Variants in SH3BP4 observed in about 807,000 individuals in gnomAD.
SH3BP4 encodes the protein SH3 domain binding protein 4.
In SH3BP4, 33 loss-of-function variants were observed where a neutral mutation model predicts 65.5. The ratio of observed to expected loss-of-function variants is 0.50; its 90% CI spans 0.38 to 0.67. The LOEUF (loss-of-function observed/expected upper bound fraction) is 0.67, where lower values mean the gene tolerates loss of function less well. Among genes scored for constraint, SH3BP4 ranks in the 30% least tolerant of loss-of-function variants. SH3BP4 has a pLI of 0.00. For synonymous variants in SH3BP4, 552 were observed against 545.5 expected (o/e 1.01, Z -0.17); for missense variants, 1,134 against 1,261.4 (o/e 0.90, Z 1.53).
chr2:235,051,610 C>T (rs10203697), intron 4 of SH3BP4, among the ~76,000 whole-genome samples: 23,483 of 151,966 alleles, frequency 0.15, 1,966 homozygotes, highest in African/African-American at 0.23. Flanking sequence ...TTGTGGAAAC[C>T]GTTTTCTCAT....
At chr2:235,017,730 C>T (rs1694733196) in intron 2 of SH3BP4, among the ~76,000 whole-genome samples, 1 of 152,190 alleles carries the variant, frequency 6.6e-6, no homozygotes, top group African/African-American at 2.4e-5. Flanking sequence ...GCCCCCTCCC[C>T]TGCTTTTTCA....
intron 1 of SH3BP4, among the ~76,000 whole-genome samples, chr2:234,980,354 TG>T (rs1212845011): frequency 6.6e-6 from 1 of 152,222 alleles, no homozygotes; most frequent in East Asian, 1.9e-4. Context: ...AGCACTATAT[TG>T]TAATAAAAGT....
chr2:234,965,866 G>A (rs547035830), intron 1 of SH3BP4, among the ~76,000 whole-genome samples: 65 of 152,296 alleles, frequency 4.3e-4, no homozygotes, highest in Non-Finnish European at 8.7e-4. Context: ...GTGTGACTTC[G>A]AATGTCAGGT....
chr2:235,047,575 A>G (rs934948232), intron 4 of SH3BP4, among the ~76,000 whole-genome samples: 9 of 152,236 alleles, frequency 5.9e-5, no homozygotes, highest in Admixed American at 5.2e-4. Flanking sequence ...TTCTCGGGAT[A>G]CTGTCAGCAC....
Position 235,052,455 on chromosome 2 carries a change from A to C in SH3BP4, c.2479-107A>C. ...TGGTAGTAGGCCAGGGAACATGGAG[A>C]ATAGAGAGCCCATGGCCATTCCTGC... On this transcript the variant is annotated intron_variant, in intron 4 of 5. Transcript: ENST00000392011. The surrounding 1 kb of genome is among the most constrained non-coding windows in gnomAD (Gnocchi z 5.0). 1 of 803,806 alleles carries C rather than the reference A, an allele frequency of 1.2e-6. No homozygotes were observed. The allele number at this position is 803,806 out of a possible 1,614,324, so 49.8% of individuals were successfully genotyped here.
chr2:235,029,603 T>C (rs1377985827), intron 2 of SH3BP4, among the ~76,000 whole-genome samples: 1 of 152,238 alleles, frequency 6.6e-6, no homozygotes, highest in African/African-American at 2.4e-5. Context: ...TAATGTATGT[T>C]TCCTAATATT....
rs1451845686 is a variant in SH3BP4, at chr2:235,030,904, A to G, written c.-132-3967A>G. Among the ~76,000 whole-genome samples, 1 of 152,140 alleles carries G rather than the reference A, an allele frequency of 6.6e-6. No individual in the cohort carries two copies. The highest frequency in any genetic ancestry group is 1.5e-5 in the Non-Finnish European group (1 of 68,016). On this transcript the variant is annotated intron_variant, in intron 2 of 5. Coordinates refer to ENST00000392011, the MANE Select transcript of SH3BP4 (RefSeq NM_014521.3). The surrounding 1 kb of genome is among the most constrained non-coding windows in gnomAD (Gnocchi z 4.1). ...GCTGGCTGCCCTCTTTCTGTACTGT[A>G]AAAACGGCCCCAAGGGTGCGGACAG...
chr2:235,047,646 G>T (rs1028101596), intron 4 of SH3BP4, among the ~76,000 whole-genome samples: 1 of 152,234 alleles, frequency 6.6e-6, no homozygotes, highest in African/African-American at 2.4e-5. Flanking sequence ...ATAGCCGTGG[G>T]CAGTGGCCAT....
rs1462276166 is a variant in SH3BP4, at chr2:235,042,276, A to T, written c.1507A>T (p.Thr503Ser). ...TIFGHDCAPK[T>S]LLVSEVTRQA... ...TTTTGGGCATGACTGTGCCCCAAAG[A>T]CGCTCCTGGTCAGCGAGGTCACACG... Residue 503 changes from threonine (T) to serine (S), a missense_variant, in exon 4 of 6, where the codon ACG becomes TCG. Thr to Ser is a moderately conservative substitution (Grantham distance 58). Coordinates refer to ENST00000392011, the MANE Select transcript of SH3BP4 (RefSeq NM_014521.3). This position sits in a 1 kb window ranked among gnomAD's most constrained non-coding sequence, Gnocchi z 7.3. 1 of 1,614,084 alleles carries T rather than the reference A, an allele frequency of 6.2e-7. No homozygotes were observed. The highest frequency in any genetic ancestry group is 1.3e-5 in the African/African-American group (1 of 74,994).
chr2:234,961,359 C>T (rs1225340631), intron 1 of SH3BP4, among the ~76,000 whole-genome samples: 2 of 152,172 alleles, frequency 1.3e-5, no homozygotes, highest in Non-Finnish European at 2.9e-5. Flanking sequence ...GAAATCTCCA[C>T]CCACTGAGTT....
chr2:235,047,075 G>A (rs1049747763), intron 4 of SH3BP4, among the ~76,000 whole-genome samples: 5 of 152,162 alleles, frequency 3.3e-5, no homozygotes, highest in African/African-American at 1.2e-4. Context: ...CCTCATAAAG[G>A]GTTGCAGCCT....
intron 1 of SH3BP4, among the ~76,000 whole-genome samples, chr2:234,985,762 G>A (rs1366644301): frequency 2.7e-5 from 4 of 150,342 alleles, no homozygotes; most frequent in Admixed American, 6.6e-5. Context: ...TGTGACACAC[G>A]CCTACGAGCT....
chr2:234,981,573 C>T (rs2106257354), intron 1 of SH3BP4: 1 of 152,316 alleles, frequency 6.6e-6, no homozygotes, highest in African/African-American at 2.4e-5. Flanking sequence ...GGAATGCATT[C>T]CTGGAGAAAG....
intron 2 of SH3BP4, among the ~76,000 whole-genome samples, chr2:235,007,442 C>T (rs375139646): frequency 9.2e-5 from 14 of 152,216 alleles, no homozygotes; most frequent in South Asian, 4.2e-4. Flanking sequence ...ATTGTCACCA[C>T]GCAGGGAGGA....
chr2:235,021,119 GAA>G (rs1459891116), intron 2 of SH3BP4, among the ~76,000 whole-genome samples: 4 of 152,112 alleles, frequency 2.6e-5, no homozygotes, highest in Admixed American at 1.3e-4. Flanking sequence ...CCCTTTACAG[GAA>G]AAGTTTGGCC....
intron 2 of SH3BP4, among the ~76,000 whole-genome samples, chr2:235,012,611 C>T (rs1215533428): frequency 2.0e-5 from 3 of 152,222 alleles, no homozygotes; most frequent in Non-Finnish European, 4.4e-5. Context: ...CTCATAGTTC[C>T]CTCCTTTCAC....
In SH3BP4 at chr2:234,997,602, C is replaced by T. The variant is rs548215602; in HGVS notation, c.-133+2226C>T. 9.8e-4 allele frequency among the ~76,000 whole-genome samples: 149 copies of T among 152,268 alleles called. No homozygotes were observed. The highest frequency in any genetic ancestry group is 3.2e-3 in the African/African-American group (134 of 41,556). On this transcript the variant is annotated intron_variant, in intron 2 of 5. Coordinates refer to ENST00000392011, the MANE Select transcript of SH3BP4 (RefSeq NM_014521.3). The surrounding 1 kb of genome is among the most constrained non-coding windows in gnomAD (Gnocchi z 4.2). ...GGGAGTGTCAGCTAGGGGACGGAGC[C>T]GGTGCGGAGATCGAGGCCCCACAAG...
In SH3BP4 at chr2:234,991,695, C is replaced by T. The variant is rs546335411; in HGVS notation, c.-206-3608C>T. On this transcript the variant is annotated intron_variant, in intron 1 of 5. Transcript: ENST00000392011. The surrounding 1 kb of genome is among the most constrained non-coding windows in gnomAD (Gnocchi z 4.2). Reference sequence around the variant, plus strand: ...TCGTACCCCCCTCTTCTCAGCAAGGCGGTCCTTGTCCAGAGGCCTTGGGCC... The same window carrying T: ...TCGTACCCCCCTCTTCTCAGCAAGGTGGTCCTTGTCCAGAGGCCTTGGGCC... Among the ~76,000 whole-genome samples, 25 of 152,340 alleles carry T rather than the reference C, an allele frequency of 1.6e-4. No homozygotes were observed. Among genetic ancestry groups the T allele is most frequent in the Non-Finnish European group, 1.5e-4 (10 of 68,036 alleles).
intron 3 of SH3BP4, among the ~76,000 whole-genome samples, chr2:235,038,412 T>C (rs1415833748): frequency 9.2e-6 from 1 of 108,676 alleles, no homozygotes; most frequent in African/African-American, 3.3e-5. Context: ...TATATATATA[T>C]ATATGAGGTA....
Sources: gnomAD v4.1 joint callset for allele counts (sites outside exome capture counted in the v4.1 genomes callset) on GRCh38, gnomAD v4.1.1 for gene constraint, Gnocchi (gnomAD v3.1) non-coding constraint, MANE v1.5 for transcripts, NCBI Gene and HGNC (gene_info 2026-07-23, HGNC 2026-07-21) for gene names.